The following FAM120B variants were observed in gnomAD, a reference collection of about 807,000 sequenced individuals.
FAM120B encodes the protein family with sequence similarity 120 member B.
A neutral mutation model predicts 96.3 loss-of-function variants in FAM120B; 83 were observed. The observed-to-expected ratio is 0.86, with a 90% CI of 0.72 to 1.03. The LOEUF (loss-of-function observed/expected upper bound fraction) is 1.03, where lower values mean the gene tolerates loss of function less well. FAM120B is among the 50% of genes least tolerant of loss of function. The probability of loss-of-function intolerance (pLI) is 0.00; values close to 1 mark genes in which losing one functional copy is unlikely to be tolerated. For synonymous variants in FAM120B, 407 were observed against 402.7 expected (o/e 1.01, Z -0.13); for missense variants, 1,027 against 1,121.2 (o/e 0.92, Z 1.20).
intron 1 of FAM120B, among the ~76,000 whole-genome samples, chr6:170,313,678 A>G (rs2880941): frequency 0.11 from 16,205 of 152,280 alleles, 977 homozygotes; most frequent in African/African-American, 0.15. Context: ...GCTTATTCCA[A>G]TGTGCCTTTG....
intron 6 of FAM120B, among the ~76,000 whole-genome samples, chr6:170,380,814 C>T (rs1300492163): frequency 6.6e-6 from 1 of 152,184 alleles, no homozygotes; most frequent in Non-Finnish European, 1.5e-5. Context: ...TCATTTACTT[C>T]ATTGGTCACT....
At chr6:170,362,479 C>G (rs150875693) in intron 6 of FAM120B, among the ~76,000 whole-genome samples, 11 of 152,242 alleles carry the variant, frequency 7.2e-5, no homozygotes, top group African/African-American at 2.6e-4. Flanking sequence ...GAATCTGATA[C>G]AGGCCCAGAT....
At chr6:170,350,276 G>C (rs1787489426) in intron 5 of FAM120B, among the ~76,000 whole-genome samples, 1 of 152,168 alleles carries the variant, frequency 6.6e-6, no homozygotes. Flanking sequence ...TGGAATCCCA[G>C]CCGGCCAATG....
At chr6:170,331,628 A>G (rs1277349043) in intron 4 of FAM120B, among the ~76,000 whole-genome samples, 1 of 152,258 alleles carries the variant, frequency 6.6e-6, no homozygotes, top group African/African-American at 2.4e-5. Flanking sequence ...TTCATCTTAT[A>G]GTATCTTTCC....
chr6:170,372,212 A>C (rs1583283628), intron 6 of FAM120B, among the ~76,000 whole-genome samples: 1 of 152,132 alleles, frequency 6.6e-6, no homozygotes, highest in South Asian at 2.1e-4. Context: ...AATTTTTTTT[A>C]AGAATGATTT....
chr6:170,293,717 CTCT>C (rs1217155362), upstream of FAM120B, among the ~76,000 whole-genome samples: 2 of 151,324 alleles, frequency 1.3e-5, no homozygotes, highest in Non-Finnish European at 2.9e-5. Context: ...CACCTCCTTC[CTCT>C]TCTTCCTTCT....
intron 4 of FAM120B, among the ~76,000 whole-genome samples, chr6:170,343,543 T>G (rs991336908): frequency 6.6e-6 from 1 of 152,098 alleles, no homozygotes; most frequent in Non-Finnish European, 1.5e-5. Context: ...CTCTGGTGAT[T>G]TTCTATAATC....
At chr6:170,308,971 T>C (rs886338940) in intron 1 of FAM120B, among the ~76,000 whole-genome samples, 5 of 152,244 alleles carry the variant, frequency 3.3e-5, no homozygotes, top group South Asian at 2.1e-4. Flanking sequence ...TGTTGCAAGC[T>C]TAAATGCCTG....
chr6:170,376,631 G>T (rs9366217), intron 6 of FAM120B, among the ~76,000 whole-genome samples: 2 of 152,166 alleles, frequency 1.3e-5, no homozygotes, highest in East Asian at 3.9e-4. Flanking sequence ...TCACCTTGTT[G>T]AGAACAATTC....
At chr6:170,368,846 C>T (rs1307874537) in intron 6 of FAM120B, among the ~76,000 whole-genome samples, 1 of 150,590 alleles carries the variant, frequency 6.6e-6, no homozygotes, top group Non-Finnish European at 1.5e-5. Context: ...TCCTGGCTTG[C>T]AGGCAGCCAG....
chr6:170,381,087 A>G (rs1252049291), intron 6 of FAM120B, among the ~76,000 whole-genome samples: 1 of 152,234 alleles, frequency 6.6e-6, no homozygotes, highest in African/African-American at 2.4e-5. Context: ...TCCCATGTCA[A>G]TATCCTGTAG....
chr6:170,355,944 CACA>C (rs1787918321), intron 5 of FAM120B, among the ~76,000 whole-genome samples: 2 of 152,168 alleles, frequency 1.3e-5, no homozygotes, highest in Admixed American at 6.5e-5. Context: ...TATGTGTGTG[CACA>C]ACAATGGGAA....
At chr6:170,365,883 C>G (rs564674396) in intron 6 of FAM120B, among the ~76,000 whole-genome samples, 6 of 152,262 alleles carry the variant, frequency 3.9e-5, no homozygotes, top group African/African-American at 1.4e-4. Flanking sequence ...AAGTGTTTAT[C>G]CGCCTGCCAT....
chr6:170,382,512 A>G (rs1276189710), intron 6 of FAM120B, among the ~76,000 whole-genome samples: 1 of 152,248 alleles, frequency 6.6e-6, no homozygotes, highest in African/African-American at 2.4e-5. Context: ...ATTAATGAAC[A>G]TATGGAAACC....
At chr6:170,376,534 C>A (rs562133478) in intron 6 of FAM120B, among the ~76,000 whole-genome samples, 208 of 152,176 alleles carry the variant, frequency 1.4e-3, no homozygotes, top group African/African-American at 4.8e-3. Flanking sequence ...GCAGAGAGCG[C>A]TGGCATGCGG....
Position 170,388,390 on chromosome 6 carries a change from C to T in FAM120B, c.2387C>T (p.Thr796Met), listed in dbSNP as rs148860500. Residue 796 changes from threonine (T) to methionine (M), a missense_variant, in exon 7 of 11, where the codon ACG (threonine) becomes ATG (methionine). Coordinates refer to ENST00000476287, the MANE Select transcript of FAM120B (RefSeq NM_032448.3). ...VNSACGFPWK[T>M]SDFMPWNVFD... ...AGCGCATGTGGCTTCCCCTGGAAGA[C>T]GAGTGATTTCATGCCCTGGAATGTA... 2.8e-4 allele frequency: 459 copies of T among 1,614,024 alleles called. 3 individuals carry two copies. The African/African-American group carries it at 4.4e-3, about 16-fold the overall frequency.
chr6:170,329,301 G>A (rs1211860729), intron 3 of FAM120B, among the ~76,000 whole-genome samples: 3 of 152,220 alleles, frequency 2.0e-5, no homozygotes, highest in Admixed American at 2.0e-4. Context: ...GTGCCTGTGG[G>A]CACAAAATTG....
chr6:170,308,207 C>T lies in FAM120B; in HGVS notation c.-22+1365C>T, dbSNP rs142324833. 3.0e-3 allele frequency among the ~76,000 whole-genome samples: 452 copies of T among 152,258 alleles called. 1 individual carries two copies. The highest frequency in any genetic ancestry group is 0.01 in the African/African-American group (435 of 41,546). On this transcript the variant is annotated intron_variant, in intron 1 of 10. Transcript: ENST00000476287. ...CCAGCTCCATCATTAGTGAGTGTTTCCCCTGACTTTGCCATTCCTTTTGTT... is the reference window on the plus strand; with the variant it reads ...CCAGCTCCATCATTAGTGAGTGTTTTCCCTGACTTTGCCATTCCTTTTGTT...
intron 9 of FAM120B, 144 bp from the exon 10 acceptor site, chr6:170,404,406 T>C: frequency 1.6e-6 from 1 of 619,068 alleles, no homozygotes; most frequent in Non-Finnish European, 2.8e-6. Context: ...TAATGGCATG[T>C]GGCCACAACT....
Sources: gnomAD v4.1 joint callset for allele counts (sites outside exome capture counted in the v4.1 genomes callset) on GRCh38, gnomAD v4.1.1 for gene constraint, MANE v1.5 for transcripts, NCBI Gene and HGNC (gene_info 2026-07-23, HGNC 2026-07-21) for gene names.